The following LARS2 variants were observed in gnomAD, a reference collection of about 807,000 sequenced individuals.
LARS2 encodes the protein leucyl-tRNA synthetase 2, mitochondrial.
LARS2 carries 81 observed loss-of-function variants against 116.6 expected under a neutral mutation model. The observed-to-expected ratio is 0.69, with a 90% confidence interval of 0.58 to 0.84. The LOEUF (loss-of-function observed/expected upper bound fraction) is 0.84, where lower values mean the gene tolerates loss of function less well. LARS2 is among the 40% of genes least tolerant of loss of function. The pLI is 0.00. For missense variants in LARS2, 968 were observed against 1,114.5 expected (o/e 0.87, Z 1.87); for synonymous variants, 396 against 407.2 (o/e 0.97, Z 0.33).
At position 45,476,569 on chromosome 3, in the gene LARS2, C is replaced by T. The variant is rs778279696; in HGVS notation, c.960C>T (p.Leu320=). ...TGGCCATCTCGCCCAGCCACAGACT[C>T]CTACATGGGCACAGCTCTCTGAAGG... ...SHVAISPSHR[L]LHGHSSLKEA... The change falls in exon 10 of 22, where the codon CTC becomes CTT. Residue 320 remains leucine, a synonymous_variant. Coordinates refer to ENST00000645846, the MANE Select transcript of LARS2 (RefSeq NM_015340.4). The T allele has an allele frequency of 1.9e-5, 30 of 1,614,088 alleles. No homozygotes were observed. In the South Asian group the frequency reaches 3.0e-4, roughly 16 times the overall value.
chr3:45,461,186 C>A (rs1382806561), intron 8 of LARS2, among the ~76,000 whole-genome samples: 1 of 151,728 alleles, frequency 6.6e-6, no homozygotes, highest in Non-Finnish European at 1.5e-5. Context: ...GATGAGGAAT[C>A]TCAGGAGAGA....
chr3:45,536,930 T>A (rs972448190), intron 20 of LARS2, among the ~76,000 whole-genome samples: 8 of 152,192 alleles, frequency 5.3e-5, no homozygotes, highest in African/African-American at 1.9e-4. Context: ...AGTAGTTCTG[T>A]ATCAACACTA....
intron 3 of LARS2, 39 bp from the exon 4 acceptor site, chr3:45,400,206 G>GA (rs768198991): frequency 1.3e-6 from 2 of 1,591,854 alleles, no homozygotes; most frequent in Admixed American, 1.8e-5. Context: ...AGAGTTCCCA[G>GA]AAAATGCTTA....
intron 7 of LARS2, among the ~76,000 whole-genome samples, chr3:45,455,870 G>A (rs976326205): frequency 6.6e-6 from 1 of 152,106 alleles, no homozygotes; most frequent in African/African-American, 2.4e-5. Flanking sequence ...AGAAGACAGT[G>A]TGCTAAATGA....
chr3:45,394,434 G>A lies in LARS2; in HGVS notation c.-20G>A. The A allele has an allele frequency of 6.3e-7, 1 of 1,586,556 alleles. No homozygotes were observed. Among genetic ancestry groups the A allele is most frequent in the Non-Finnish European group, 8.7e-7 (1 of 1,155,284 alleles). ...TGTGCTTTCTGCCCTCTTTTTCAGGGCCTTCTCACCTTCTGAAGAATGGCT... is the reference window on the plus strand; with the variant it reads ...TGTGCTTTCTGCCCTCTTTTTCAGGACCTTCTCACCTTCTGAAGAATGGCT... On this transcript the variant is annotated splice_region_variant and 5_prime_UTR_variant, in exon 3 of 22. Transcript: ENST00000645846.
At chr3:45,520,075 G>T in intron 18 of LARS2, 144 bp from the exon 19 acceptor site, 1 of 625,812 alleles carries the variant, frequency 1.6e-6, no homozygotes. Flanking sequence ...ATGAAACATA[G>T]CGATTATTTG....
rs552032119 is a variant in LARS2 at position 45,515,967 on chromosome 3, G to A, written c.1862-127G>A. ...AGAGGGAGAGAAAGCGGCTTGTTAA[G>A]TGAATTAGTGTGATTCTTCAAATGG... On this transcript the variant is annotated intron_variant, in intron 16 of 21. Transcript: ENST00000645846. 1.1e-4 allele frequency: 72 copies of A among 662,898 alleles called. No homozygotes were observed. In the East Asian group the frequency reaches 2.0e-3, roughly 18 times the overall value. 41.1% of individuals were successfully genotyped at this position (662,898 alleles called of 1,614,324 possible).
At chr3:45,435,626 G>T (rs1005970157) in intron 6 of LARS2, among the ~76,000 whole-genome samples, 2 of 148,760 alleles carry the variant, frequency 1.3e-5, no homozygotes, top group Non-Finnish European at 1.5e-5. Flanking sequence ...TACCTTTTCT[G>T]TTTTCCTTTC....
intron 6 of LARS2, among the ~76,000 whole-genome samples, chr3:45,429,975 T>TA (rs1206185565): frequency 2.1e-5 from 3 of 143,022 alleles, no homozygotes; most frequent in Non-Finnish European, 3.0e-5. Flanking sequence ...GTGCTGGACT[T>TA]ACAGGCATGA....
intron 7 of LARS2, among the ~76,000 whole-genome samples, chr3:45,448,479 G>A (rs985020890): frequency 3.3e-5 from 5 of 152,160 alleles, no homozygotes; most frequent in Admixed American, 1.3e-4. Context: ...ACCCAGTAGC[G>A]CTAGAGGAAT....
At chr3:45,517,752 G>C (rs1700390913) in intron 17 of LARS2, 151 bp from the exon 18 acceptor site, 1 of 574,780 alleles carries the variant, frequency 1.7e-6, no homozygotes, top group Non-Finnish European at 3.0e-6. Context: ...GAAGGCCAGG[G>C]AGGATCCTTC....
chr3:45,439,307 C>T (rs1174961568), intron 6 of LARS2, among the ~76,000 whole-genome samples: 3 of 149,542 alleles, frequency 2.0e-5, no homozygotes, highest in South Asian at 2.1e-4. Context: ...CCGCAACCTC[C>T]GCCTCCTGGA....
intron 6 of LARS2, among the ~76,000 whole-genome samples, chr3:45,446,252 A>T (rs1414177841): frequency 6.6e-6 from 1 of 152,208 alleles, no homozygotes; most frequent in Non-Finnish European, 1.5e-5. Flanking sequence ...TCTATAACAA[A>T]TGTGTTTTTA....
chr3:45,396,999 C>G (rs1045142775), intron 3 of LARS2, among the ~76,000 whole-genome samples: 2 of 152,210 alleles, frequency 1.3e-5, no homozygotes, highest in Admixed American at 1.3e-4. Context: ...TATTGAGGTG[C>G]TCCTTTTACT....
intron 5 of LARS2, among the ~76,000 whole-genome samples, chr3:45,418,383 C>A (rs986967484): frequency 6.6e-6 from 1 of 152,168 alleles, no homozygotes; most frequent in Non-Finnish European, 1.5e-5. Context: ...TCTCTTTTTT[C>A]TTCCTAACCC....
rs184847242 is a variant in LARS2 at position 45,456,469 on chromosome 3, G to A, written c.607-2274G>A. On this transcript the variant is annotated intron_variant, in intron 7 of 21. Coordinates refer to ENST00000645846, the MANE Select transcript of LARS2 (RefSeq NM_015340.4). ...GTGGTGGTGGGCGCCTAGAGTCCCC[G>A]CTACTCGGGAGGCTGAGGCAGGAGA... Among the ~76,000 whole-genome samples, 1,197 of 152,220 alleles carry A rather than the reference G, an allele frequency of 7.9e-3. 11 individuals carry two copies. Among genetic ancestry groups the A allele is most frequent in the African/African-American group, 0.028 (1,146 of 41,496 alleles).
chr3:45,416,509 G>A (rs1698424650), intron 4 of LARS2, among the ~76,000 whole-genome samples: 1 of 152,144 alleles, frequency 6.6e-6, no homozygotes, highest in African/African-American at 2.4e-5. Context: ...TCTTAGGTCT[G>A]GGTAGAGCTG....
chr3:45,545,853 C>CCTT (rs10700258), intron 21 of LARS2, among the ~76,000 whole-genome samples: 134,118 of 151,906 alleles, frequency 0.88, 61,527 homozygotes, highest in East Asian at 1. Context: ...ACAGCCAGCT[C>CCTT]CTATCCTGGC....
intron 20 of LARS2, among the ~76,000 whole-genome samples, chr3:45,534,309 A>T (rs149020846): frequency 1.9e-4 from 29 of 152,188 alleles, no homozygotes; most frequent in African/African-American, 7.0e-4. Flanking sequence ...TGGGGAAATG[A>T]TGCCTCCTGC....
Sources: gnomAD v4.1 joint callset for allele counts (sites outside exome capture counted in the v4.1 genomes callset) on GRCh38, gnomAD v4.1.1 for gene constraint, MANE v1.5 for transcripts, NCBI Gene and HGNC (gene_info 2026-07-23, HGNC 2026-07-21) for gene names.